WSB2: variants seen among roughly 807,000 people sequenced by gnomAD.
WSB2 encodes the protein WD repeat and SOCS box containing 2.
Under a neutral mutation model 48.8 loss-of-function variants are expected in WSB2, and 12 were observed. That is an observed-to-expected ratio of 0.25 (90% CI 0.16 to 0.40). The LOEUF (loss-of-function observed/expected upper bound fraction) is 0.40. WSB2 is among the 10% of genes least tolerant of loss of function. WSB2 has a pLI of 1.00. For synonymous variants in WSB2, 191 were observed against 203.1 expected (o/e 0.94, Z 0.51); for missense variants, 317 against 506.2 (o/e 0.63, Z 3.59).
chr12:118,058,121 T>C (rs1050203382), intron 1 of WSB2, among the ~76,000 whole-genome samples: 1 of 152,070 alleles, frequency 6.6e-6, no homozygotes, highest in African/African-American at 2.4e-5. Flanking sequence ...ATTATAAGCC[T>C]CTTCTAGGCA....
chr12:118,035,371 C>T lies in WSB2; in HGVS notation c.834-47G>A, dbSNP rs1399006402. 35 of 1,540,804 alleles carry T rather than the reference C, an allele frequency of 2.3e-5. No individual in the cohort carries two copies. In the East Asian group the frequency reaches 7.4e-4, roughly 33 times the overall value. ...TGGCAGGCCTGGAGTGATGGCTGCTCTCCACCCTCCATCATCACCCTAGGC... is the reference window on the plus strand; with the variant it reads ...TGGCAGGCCTGGAGTGATGGCTGCTTTCCACCCTCCATCATCACCCTAGGC... On this transcript the variant is annotated intron_variant, in intron 6 of 8. Coordinates refer to ENST00000315436, the MANE Select transcript of WSB2 (RefSeq NM_018639.5).
In WSB2 at chr12:118,047,714, G is replaced by GC. The variant is rs1182581554; in HGVS notation, c.183-4338dup. On this transcript the variant is annotated intron_variant, in intron 2 of 8. Transcript: ENST00000315436. ...GGTGACAGAGCAAGACCTTTTCTCT[G>GC]CCCCCCAAAAAGCCCGATTATTTTA... 2.6e-5 allele frequency among the ~76,000 whole-genome samples: 4 copies of GC among 151,832 alleles called. No individual in the cohort carries two copies. The East Asian group carries it at 7.7e-4, about 29-fold the overall frequency.
chr12:118,061,013 C>G, intron 1 of WSB2, 23 bp downstream of exon 1: 1 of 980,288 alleles, frequency 1.0e-6, no homozygotes, highest in Non-Finnish European at 1.2e-6. Flanking sequence ...CGGGCGGGAA[C>G]GGGCGCGCCC....
In WSB2 at chr12:118,036,473, C is replaced by T. The variant is rs750000255; in HGVS notation, c.698G>A (p.Arg233Gln). 11 of 1,614,002 alleles carry T rather than the reference C, an allele frequency of 6.8e-6. No homozygotes were observed. The highest frequency in any genetic ancestry group is 9.3e-6 in the Non-Finnish European group (11 of 1,179,968). Residue 233 changes from arginine to glutamine, a missense_variant, in exon 6 of 9, where the codon CGG (arginine) becomes CAG (glutamine). By Grantham distance (43) the Arg-to-Gln change is conservative. This residue lies in a region of WSB2 where 189 missense variants were observed against 349.6 expected (regional missense o/e 0.54). Transcript: ENST00000315436. ...ACTGCTTTGATGGCCCTCTAGCTTC[C>T]GAATTAACGTGTAGGACCTCATGCT... ...LWSMRSYTLIRKLEGHQSSVV... is the reference protein window; with the variant it reads ...LWSMRSYTLIQKLEGHQSSVV...
At chr12:118,052,255 G>T (rs1248306624) in intron 2 of WSB2, 55 bp downstream of exon 2, 1 of 1,590,334 alleles carries the variant, frequency 6.3e-7, no homozygotes, top group South Asian at 1.1e-5. Flanking sequence ...GATGGCAAAA[G>T]AACAAGGAGT....
At chr12:118,035,134 G>C in intron 7 of WSB2, 41 bp from the exon 8 acceptor site, 1 of 1,613,050 alleles carries the variant, frequency 6.2e-7, no homozygotes, top group Non-Finnish European at 8.5e-7. Context: ...AGCTGACCCA[G>C]GGCCAGACCA....
chr12:118,057,625 CAT>C (rs1208315473), intron 1 of WSB2, among the ~76,000 whole-genome samples: 3 of 151,972 alleles, frequency 2.0e-5, no homozygotes, highest in Non-Finnish European at 2.9e-5. Context: ...TGGAATATAA[CAT>C]GTTTTGATAT....
intron 4 of WSB2, among the ~76,000 whole-genome samples, chr12:118,041,748 CTTTTTTTTTTTT>C (rs150072011): frequency 9.8e-6 from 1 of 101,536 alleles, no homozygotes; most frequent in African/African-American, 4.3e-5. Flanking sequence ...TCTTATGTCA[CTTTTTTTTTTTT>C]TTTTTTTTTT....
At chr12:118,056,327 G>A (rs970163738) in intron 1 of WSB2, among the ~76,000 whole-genome samples, 9 of 152,032 alleles carry the variant, frequency 5.9e-5, no homozygotes, top group Non-Finnish European at 1.2e-4. Context: ...GCCTCTCCTC[G>A]GCTGGCATCT....
chr12:118,036,194 T>C, intron 6 of WSB2, 144 bp downstream of exon 6: 10 of 990,102 alleles, frequency 1.0e-5, no homozygotes, highest in African/African-American at 1.6e-5. Flanking sequence ...AGAGCGAGAC[T>C]CCGTCTCAAA....
At position 118,060,023 on chromosome 12, in the gene WSB2, C is replaced by A. The variant is rs1285876685; in HGVS notation, c.13+1013G>T. ...GCAAGATTACCATGAAGTTCTGGAA[C>A]AAATTCTGAGCCCTAGGCCTTGAAC... On this transcript the variant is annotated intron_variant, in intron 1 of 8. Transcript: ENST00000315436. The surrounding 1 kb of genome is among the most constrained non-coding windows in gnomAD (Gnocchi z 4.1). 6.6e-6 allele frequency among the ~76,000 whole-genome samples: 1 copy of A among 152,170 alleles called. No homozygotes were observed. Among genetic ancestry groups the A allele is most frequent in the Non-Finnish European group, 1.5e-5 (1 of 68,034 alleles).
rs747822435 is a variant in WSB2, at chr12:118,043,317, G to A, written c.243C>T (p.Gly81=). The A allele has an allele frequency of 6.2e-6, 10 of 1,605,612 alleles. No homozygotes were observed. The highest frequency in any genetic ancestry group is 1.3e-5 in the African/African-American group (1 of 74,632). The part of the protein sequence containing the change: ...RSSKNETKGR[G]SPKEKTLDCG... ...AGTCCAGCGTCTTCTCTTTTGGGCT[G>A]CCCCGCCCTTTCGTCTCATTTTTGC... Residue 81 remains glycine (G), a synonymous_variant, in exon 3 of 9, where the codon GGC becomes GGT. Transcript: ENST00000315436.
At chr12:118,050,794 G>A (rs1173912618) in intron 2 of WSB2, among the ~76,000 whole-genome samples, 2 of 152,212 alleles carry the variant, frequency 1.3e-5, no homozygotes, top group Admixed American at 6.5e-5. Context: ...GCTCACACCT[G>A]TAATCCCAAC....
intron 2 of WSB2, among the ~76,000 whole-genome samples, chr12:118,044,158 G>C (rs2031699834): frequency 6.6e-6 from 1 of 152,014 alleles, no homozygotes; most frequent in African/African-American, 2.4e-5. Flanking sequence ...GGCTATACTG[G>C]CCATGGCTCA....
chr12:118,054,217 C>CAAAAAAA (rs61421772), intron 1 of WSB2, among the ~76,000 whole-genome samples: 10 of 56,068 alleles, frequency 1.8e-4, no homozygotes, highest in African/African-American at 3.5e-4. Flanking sequence ...ACTAAAAATC[C>CAAAAAAA]AAAAAAAAAA....
upstream of WSB2, chr12:118,061,995 G>C (rs1880284975): frequency 1.8e-6 from 2 of 1,110,750 alleles, no homozygotes; most frequent in Admixed American, 4.8e-5. Flanking sequence ...AGGAGAACAC[G>C]GGGCGGTGGG....
chr12:118,034,617 C>T lies in WSB2; in HGVS notation c.1053-259G>A, dbSNP rs75791403. 1.8e-4 allele frequency: 88 copies of T among 494,226 alleles called. No individual in the cohort carries two copies. In the East Asian group the frequency reaches 2.9e-3, roughly 16 times the overall value. 30.6% of individuals were successfully genotyped at this position (494,226 alleles called of 1,614,324 possible). On this transcript the variant is annotated intron_variant, in intron 8 of 8. Transcript: ENST00000315436. ...TCGGCACAGCCCTTTCTAAATCTGA[C>T]CACAGTTAGTTCAAAAGTATAAGGG...
intron 2 of WSB2, among the ~76,000 whole-genome samples, chr12:118,050,128 T>G (rs1162055377): frequency 6.6e-6 from 1 of 151,064 alleles, no homozygotes. Flanking sequence ...GAGGTTGCAG[T>G]GAGCCGAGAT....
At chr12:118,055,077 G>A (rs2031931403) in intron 1 of WSB2, among the ~76,000 whole-genome samples, 2 of 151,522 alleles carry the variant, frequency 1.3e-5, no homozygotes, top group African/African-American at 4.8e-5. Flanking sequence ...TGAGTAAATA[G>A]CTATTTGTAT....
Sources: gnomAD v4.1 joint callset for allele counts (sites outside exome capture counted in the v4.1 genomes callset) on GRCh38, gnomAD v4.1.1 for gene constraint, gnomAD v4.1.1 regional missense constraint, Gnocchi (gnomAD v3.1) non-coding constraint, MANE v1.5 for transcripts, NCBI Gene and HGNC (gene_info 2026-07-23, HGNC 2026-07-21) for gene names.